FAM91A1: variants seen among roughly 807,000 people sequenced by gnomAD.
The protein encoded by FAM91A1 is protein FAM91A1.
Under a neutral mutation model 113.5 loss-of-function variants are expected in FAM91A1, and 41 were observed. The ratio of observed to expected loss-of-function variants is 0.36; its 90% CI spans 0.28 to 0.47. The LOEUF (loss-of-function observed/expected upper bound fraction) is 0.47. Ranked by LOEUF, FAM91A1 falls within the 20% of genes least tolerant of loss-of-function variation. FAM91A1 has a pLI of 1.00. For synonymous variants in FAM91A1, 307 were observed against 347.9 expected (o/e 0.88, Z 1.31); for missense variants, 696 against 1,001.2 (o/e 0.70, Z 4.11).
chr8:123,785,350 C>A (rs1177685444), intron 10 of FAM91A1, among the ~76,000 whole-genome samples: 1 of 152,306 alleles, frequency 6.6e-6, no homozygotes, highest in African/African-American at 2.4e-5. Flanking sequence ...ATGCAAGAAG[C>A]AGCCCAAGCA....
At chr8:123,787,799 C>CAAGCAAGGACAGATT in intron 14 of FAM91A1, 49 bp downstream of exon 14, 1 of 1,444,432 alleles carries the variant, frequency 6.9e-7, no homozygotes, top group Non-Finnish European at 9.5e-7. Context: ...TGGAATCTGT[C>CAAGCAAGGACAGATT]CTTGCTTGAC....
intron 22 of FAM91A1, among the ~76,000 whole-genome samples, chr8:123,809,654 T>C (rs1815902714): frequency 6.6e-6 from 1 of 152,182 alleles, no homozygotes; most frequent in Admixed American, 6.5e-5. Context: ...AATCCACAAG[T>C]CAAGATCTTC....
chr8:123,784,783 T>C, intron 9 of FAM91A1: 2 of 432,066 alleles, frequency 4.6e-6, no homozygotes, highest in Middle Eastern at 6.1e-4. Flanking sequence ...GTTAACTTTT[T>C]ATATGACTTT....
chr8:123,775,405 C>G (rs1361425179), intron 3 of FAM91A1, 107 bp downstream of exon 3: 5 of 1,313,618 alleles, frequency 3.8e-6, no homozygotes, highest in African/African-American at 1.5e-5. Flanking sequence ...GGTGGACACT[C>G]TTTCAGAACT....
intron 15 of FAM91A1, among the ~76,000 whole-genome samples, chr8:123,792,136 C>T (rs774526995): frequency 4.0e-5 from 6 of 151,410 alleles, no homozygotes; most frequent in Non-Finnish European, 8.8e-5. Flanking sequence ...AATGACACCA[C>T]TGCACTCCAG....
At chr8:123,801,637 A>G (rs1009807121) in intron 18 of FAM91A1, among the ~76,000 whole-genome samples, 3 of 152,218 alleles carry the variant, frequency 2.0e-5, no homozygotes, top group African/African-American at 7.2e-5. Flanking sequence ...ATAGAATTAC[A>G]TATAGTGGAA....
chr8:123,808,277 C>A lies in FAM91A1; in HGVS notation c.2038C>A (p.Pro680Thr). 4 of 1,611,644 alleles carry A rather than the reference C, an allele frequency of 2.5e-6. No homozygotes were observed. Among genetic ancestry groups the A allele is most frequent in the South Asian group, 1.1e-5 (1 of 90,824 alleles). The change falls in exon 21 of 24, where the codon CCT (proline) becomes ACT (threonine). Residue 680 changes from proline to threonine, a missense_variant. By Grantham distance (38) the Pro-to-Thr change is conservative (BLOSUM62 -1). Transcript: ENST00000334705. Reference protein sequence around the residue: ...LSDASDERGEPDLASGSDVNG... With the variant: ...LSDASDERGETDLASGSDVNG... ...GTATGCCCTTTAATTATAAGGAGAA[C>A]CTGATTTGGCTTCTGGCTCAGATGT...
At chr8:123,811,264 C>CGGTGT in intron 23 of FAM91A1, 1 of 152,148 alleles carries the variant, frequency 6.6e-6, no homozygotes, top group East Asian at 1.9e-4. Context: ...GGCCGGAGCA[C>CGGTGT]GGTGTGCAGG....
At chr8:123,786,036 G>C (rs12549683) in intron 11 of FAM91A1, 115,494 of 408,006 alleles carry the variant, frequency 0.28, 22,736 homozygotes, top group African/African-American at 0.74. Flanking sequence ...CCAGGCTGGT[G>C]TCGAACTCCT....
At chr8:123,804,748 C>CA (rs1217607902) in intron 18 of FAM91A1, among the ~76,000 whole-genome samples, 1 of 152,158 alleles carries the variant, frequency 6.6e-6, no homozygotes, top group Non-Finnish European at 1.5e-5. Flanking sequence ...TATGAACCTC[C>CA]ATTGAAGATA....
intron 6 of FAM91A1, among the ~76,000 whole-genome samples, chr8:123,779,681 G>C (rs1289361075): frequency 1.3e-5 from 2 of 152,188 alleles, no homozygotes; most frequent in Non-Finnish European, 2.9e-5. Context: ...TTTCTGGCTA[G>C]AGAGATTCTG....
At chr8:123,801,308 A>G (rs146804991) in intron 18 of FAM91A1, among the ~76,000 whole-genome samples, 7 of 152,252 alleles carry the variant, frequency 4.6e-5, no homozygotes, top group African/African-American at 1.7e-4. Context: ...CTTATACTTT[A>G]TTTCCCACCT....
At chr8:123,787,021 A>G (rs140135502) in intron 12 of FAM91A1, among the ~76,000 whole-genome samples, 9 of 152,334 alleles carry the variant, frequency 5.9e-5, no homozygotes, top group African/African-American at 1.9e-4. Context: ...CCGAGAGAAT[A>G]GTGAGGCTAA....
In FAM91A1 at chr8:123,798,124, T is replaced by C; in HGVS notation, c.1446T>C (p.Leu482=). ...FPLDLLRCES[L]LGLDPATCSR... is the part of the protein sequence containing the mutation. The stretch of plus-strand genomic sequence containing the variant: ...TGGATCTCTTACGCTGTGAAAGCCT[T>C]CTTGGTTTGGACCCTGCAACTTGCA... Residue 482 remains leucine (L), a synonymous_variant, in exon 16 of 24, where the codon CTT becomes CTC. Coordinates refer to ENST00000334705, the MANE Select transcript of FAM91A1 (RefSeq NM_144963.4). 1 of 1,614,002 alleles carries C rather than the reference T, an allele frequency of 6.2e-7. No individual in the cohort carries two copies. The highest frequency in any genetic ancestry group is 8.5e-7 in the Non-Finnish European group (1 of 1,179,986).
At chr8:123,798,004 A>T in intron 15 of FAM91A1, 86 bp from the exon 16 acceptor site, 1 of 1,416,828 alleles carries the variant, frequency 7.1e-7, no homozygotes, top group Non-Finnish European at 9.5e-7. Context: ...TTAAAATCTT[A>T]AGTCAGTTAT....
Position 123,780,514 on chromosome 8 carries a change from A to G in FAM91A1, c.675A>G (p.Val225=). ...ACAAAGGATTTATTTATCTGGATGT[A>G]CCAATATCTGATGACAGTTGTATAG... ...LYNKGFIYLD[V]PISDDSCIAV... Residue 225 remains valine, a synonymous_variant, in exon 8 of 24, where the codon GTA becomes GTG. Transcript: ENST00000334705. The G allele has an allele frequency of 6.2e-7, 1 of 1,611,440 alleles. No individual in the cohort carries two copies. Among genetic ancestry groups the G allele is most frequent in the Non-Finnish European group, 8.5e-7 (1 of 1,179,188 alleles).
intron 2 of FAM91A1, 26 bp from the exon 3 acceptor site, chr8:123,775,121 C>G (rs764256315): frequency 6.5e-7 from 1 of 1,542,080 alleles, no homozygotes; most frequent in Non-Finnish European, 8.7e-7. Flanking sequence ...CTGAAAAAAA[C>G]TGGAGAATTT....
At chr8:123,780,716 G>A (rs1815100067) in intron 8 of FAM91A1, among the ~76,000 whole-genome samples, 174 bp downstream of exon 8, 1 of 152,024 alleles carries the variant, frequency 6.6e-6, no homozygotes, top group African/African-American at 2.4e-5. Flanking sequence ...TCTCATTTTT[G>A]TATTTGGTGT....
intron 15 of FAM91A1, among the ~76,000 whole-genome samples, chr8:123,795,626 C>T (rs558959440): frequency 1.3e-5 from 2 of 152,248 alleles, no homozygotes; most frequent in Admixed American, 6.5e-5. Context: ...TCATAAATTA[C>T]GCAGTCGGAG....
Sources: gnomAD v4.1 joint callset for allele counts (sites outside exome capture counted in the v4.1 genomes callset) on GRCh38, gnomAD v4.1.1 for gene constraint, MANE v1.5 for transcripts, NCBI Gene and HGNC (gene_info 2026-07-23, HGNC 2026-07-21) for gene names.